ADARB1: variants seen among roughly 807,000 people sequenced by gnomAD.
ADARB1 encodes the protein double-stranded RNA-specific editase 1.
A neutral mutation model predicts 52.4 loss-of-function variants in ADARB1; 10 were observed. The ratio of observed to expected loss-of-function variants is 0.19; its 90% CI spans 0.12 to 0.32. The LOEUF is 0.32. ADARB1 is among the 10% of genes least tolerant of loss of function. The pLI is 1.00. For synonymous variants in ADARB1, 349 were observed against 371.1 expected (o/e 0.94, Z 0.68); for missense variants, 643 against 922.3 (o/e 0.70, Z 3.92).
Position 45,222,340 on chromosome 21 carries a change from C to T in ADARB1, c.*143C>T. ...GGGACCACCAGGTGTCCACGGTTGT[C>T]CCCAGCATCTCACATCAGACCTGGG... On this transcript the variant is annotated 3_prime_UTR_variant, in exon 11 of 11. Coordinates refer to ENST00000348831, the MANE Select transcript of ADARB1 (RefSeq NM_001112.4). 1.4e-6 allele frequency: 2 copies of T among 1,393,542 alleles called. No homozygotes were observed. Among genetic ancestry groups the T allele is most frequent in the Non-Finnish European group, 1.9e-6 (2 of 1,080,580 alleles). 86.3% of individuals were successfully genotyped at this position (1,393,542 alleles called of 1,614,324 possible).
intron 8 of ADARB1, among the ~76,000 whole-genome samples, chr21:45,201,831 A>G (rs1454289019): frequency 6.6e-6 from 1 of 151,960 alleles, no homozygotes; most frequent in Non-Finnish European, 1.5e-5. Flanking sequence ...GCAGGTAAGC[A>G]AAAGGCTTGA....
chr21:45,168,933 C>T (rs979689664), intron 2 of ADARB1, among the ~76,000 whole-genome samples: 1 of 152,168 alleles, frequency 6.6e-6, no homozygotes, highest in African/African-American at 2.4e-5. Flanking sequence ...TTACTGAAGC[C>T]TTCTGTTTTA....
chr21:45,177,919 C>T (rs375631882), intron 4 of ADARB1, among the ~76,000 whole-genome samples: 167 of 152,146 alleles, frequency 1.1e-3, no homozygotes, highest in African/African-American at 3.8e-3. Context: ...CCCTTATTAA[C>T]CTCTCGTCAA....
intron 1 of ADARB1, among the ~76,000 whole-genome samples, chr21:45,121,488 A>G (rs542604026): frequency 6.6e-6 from 1 of 152,050 alleles, no homozygotes; most frequent in East Asian, 1.9e-4. Flanking sequence ...CTCCCGCATC[A>G]TTTCTCTGTG....
At chr21:45,184,823 G>T in intron 7 of ADARB1, 100 bp from the exon 8 acceptor site, 1 of 1,284,684 alleles carries the variant, frequency 7.8e-7, no homozygotes, top group Non-Finnish European at 1.1e-6. Context: ...TATATGCACA[G>T]ACTGTATTTT....
intron 1 of ADARB1, among the ~76,000 whole-genome samples, chr21:45,112,087 A>C (rs2087566578): frequency 6.6e-6 from 1 of 152,094 alleles, no homozygotes; most frequent in Non-Finnish European, 1.5e-5. Flanking sequence ...CTTACTAGTG[A>C]GATTGAGCTT....
chr21:45,212,511 T>C (rs2092788418), intron 9 of ADARB1, among the ~76,000 whole-genome samples: 1 of 152,024 alleles, frequency 6.6e-6, no homozygotes, highest in Non-Finnish European at 1.5e-5. Flanking sequence ...AATCAGTAAA[T>C]GCAGGAACAG....
At chr21:45,187,866 A>G (rs1441488595) in intron 8 of ADARB1, among the ~76,000 whole-genome samples, 3 of 152,192 alleles carry the variant, frequency 2.0e-5, no homozygotes, top group African/African-American at 7.2e-5. Context: ...ATCATAATGT[A>G]TAATCCTTTT....
intron 8 of ADARB1, among the ~76,000 whole-genome samples, chr21:45,194,844 C>T (rs1437972240): frequency 2.6e-5 from 4 of 152,114 alleles, no homozygotes; most frequent in Non-Finnish European, 4.4e-5. Flanking sequence ...ATTGCTTCCA[C>T]GCTTTGGCAA....
At chr21:45,151,810 G>A (rs761128730) in intron 2 of ADARB1, among the ~76,000 whole-genome samples, 6 of 152,206 alleles carry the variant, frequency 3.9e-5, no homozygotes, top group Non-Finnish European at 8.8e-5. Flanking sequence ...GTCCCTGCTC[G>A]CCCCAGGCTG....
At chr21:45,117,229 G>A (rs749587356) in intron 1 of ADARB1, among the ~76,000 whole-genome samples, 10 of 152,186 alleles carry the variant, frequency 6.6e-5, no homozygotes, top group Non-Finnish European at 1.2e-4. Flanking sequence ...CCTAGCCGCT[G>A]CTGTTTTGAG....
intron 1 of ADARB1, among the ~76,000 whole-genome samples, chr21:45,087,584 G>T (rs942464840): frequency 3.3e-5 from 5 of 151,784 alleles, no homozygotes; most frequent in Non-Finnish European, 5.9e-5. Flanking sequence ...CAGAGGGCGA[G>T]GGGGCAGGGA....
chr21:45,096,203 A>G (rs958248859), intron 1 of ADARB1, among the ~76,000 whole-genome samples: 1 of 152,266 alleles, frequency 6.6e-6, no homozygotes, highest in Non-Finnish European at 1.5e-5. Context: ...GCCTAGCCCA[A>G]GAGGAGAGGA....
rs555585114 is a variant in ADARB1 at position 45,179,216 on chromosome 21, A to G, written c.964-1114A>G. Among the ~76,000 whole-genome samples, 6 of 152,276 alleles carry G rather than the reference A, an allele frequency of 3.9e-5. No individual in the cohort carries two copies. In the South Asian group the frequency reaches 1.0e-3, roughly 26 times the overall value. On this transcript the variant is annotated intron_variant, in intron 4 of 10. Transcript: ENST00000348831. ...TGCAGATGCCGCTGCCTGCGGGTGCATGGATCCCTGCCACCAAAGCCTCTG... is the reference window on the plus strand; with the variant it reads ...TGCAGATGCCGCTGCCTGCGGGTGCGTGGATCCCTGCCACCAAAGCCTCTG...
chr21:45,189,509 T>C lies in ADARB1; in HGVS notation c.1565+4418T>C, dbSNP rs2092219934. On this transcript the variant is annotated intron_variant, in intron 8 of 10. Transcript: ENST00000348831. ...ACAATAGTATTGGTTACTGTATTTG[T>C]CCATGTGCCTCCCTTTACAGGAGAA... Among the ~76,000 whole-genome samples, 3 of 152,202 alleles carry C rather than the reference T, an allele frequency of 2.0e-5. No individual in the cohort carries two copies. In the South Asian group the frequency reaches 6.2e-4, roughly 32 times the overall value.
At chr21:45,171,186 C>T (rs2091467026) in intron 2 of ADARB1, among the ~76,000 whole-genome samples, 1 of 152,198 alleles carries the variant, frequency 6.6e-6, no homozygotes, top group South Asian at 2.1e-4. Context: ...CTGCAGCAGG[C>T]GTCTTTCCAG....
chr21:45,086,096 T>C (rs2086332493), intron 1 of ADARB1, among the ~76,000 whole-genome samples: 1 of 152,224 alleles, frequency 6.6e-6, no homozygotes, highest in African/African-American at 2.4e-5. Context: ...TGCCAGACAC[T>C]GCTTGCTATG....
chr21:45,185,009 T>G lies in ADARB1; in HGVS notation c.1483T>G (p.Ser495Ala), dbSNP rs1346556127. Residue 495 changes from serine to alanine, a missense_variant, in exon 8 of 11, where the codon TCC (serine) becomes GCC (alanine). Around this residue, in one of 2 missense-constraint regions of ADARB1, gnomAD observed 263 missense variants for 475.8 expected, o/e 0.55. Coordinates refer to ENST00000348831, the MANE Select transcript of ADARB1 (RefSeq NM_001112.4). ...TGGTGAGGGGACGATTCCAGTGCGC[T>G]CCAATGCGAGCATCCAAACGTGGGA... ...ESGEGTIPVRSNASIQTWDGV... is the reference protein window; with the variant it reads ...ESGEGTIPVRANASIQTWDGV... 2 of 1,614,006 alleles carry G rather than the reference T, an allele frequency of 1.2e-6. No homozygotes were observed. Among genetic ancestry groups the G allele is most frequent in the Non-Finnish European group, 1.7e-6 (2 of 1,180,018 alleles).
intron 8 of ADARB1, among the ~76,000 whole-genome samples, chr21:45,190,371 C>G (rs1408531041): frequency 1.3e-5 from 2 of 152,092 alleles, no homozygotes; most frequent in Admixed American, 1.3e-4. Flanking sequence ...TGTCTATGTT[C>G]TCTTCTAGCT....
Sources: allele counts gnomAD v4.1 joint callset (sites outside exome capture counted in the v4.1 genomes callset), GRCh38; gene constraint gnomAD v4.1.1; regional missense constraint gnomAD v4.1.1; transcripts MANE v1.5; gene names NCBI Gene and HGNC (gene_info 2026-07-23, HGNC 2026-07-21).